The following CADPS2 variants were observed in gnomAD, a reference collection of about 807,000 sequenced individuals.
CADPS2 encodes calcium dependent secretion activator 2.
In CADPS2, 93 loss-of-function variants were observed where a neutral mutation model predicts 172.5. The ratio of observed to expected loss-of-function variants is 0.54; its 90% CI spans 0.46 to 0.64. The LOEUF (loss-of-function observed/expected upper bound fraction) is 0.64, where lower values mean the gene tolerates loss of function less well. CADPS2 is among the 30% of genes least tolerant of loss of function. The probability of loss-of-function intolerance (pLI) is 0.00; values close to 1 mark genes in which losing one functional copy is unlikely to be tolerated. For missense variants in CADPS2, 1,420 were observed against 1,565.9 expected, an observed-to-expected ratio of 0.91 and a Z score of 1.57; for synonymous variants, 546 against 555.2, an observed-to-expected ratio of 0.98 and a Z score of 0.23.
At chr7:122,814,268 T>C (rs1220124549) in intron 1 of CADPS2, among the ~76,000 whole-genome samples, 1 of 151,740 alleles carries the variant, frequency 6.6e-6, no homozygotes, top group Non-Finnish European at 1.5e-5. Context: ...TAAGGAGACT[T>C]ATACTAAGCA....
chr7:122,578,081 TATATATATACAC>T (rs1310896753), intron 7 of CADPS2, among the ~76,000 whole-genome samples: 6 of 150,962 alleles, frequency 4.0e-5, no homozygotes, highest in Non-Finnish European at 8.9e-5. Flanking sequence ...TATATATGTG[TATATATATACAC>T]ATATATATAC....
At chr7:122,620,843 A>G (rs775474604) in intron 5 of CADPS2, among the ~76,000 whole-genome samples, 6 of 152,184 alleles carry the variant, frequency 3.9e-5, no homozygotes, top group Non-Finnish European at 5.9e-5. Context: ...AAAGAATTCA[A>G]TTATATGTTG....
intron 7 of CADPS2, among the ~76,000 whole-genome samples, chr7:122,556,966 G>C (rs2065107379): frequency 6.6e-6 from 1 of 151,886 alleles, no homozygotes; most frequent in Non-Finnish European, 1.5e-5. Context: ...TCATCTGCTT[G>C]GCTTCTCCCT....
At chr7:122,663,653 G>T in intron 2 of CADPS2, 84 bp from the exon 3 acceptor site, 1 of 983,296 alleles carries the variant, frequency 1.0e-6, no homozygotes, top group Non-Finnish European at 1.5e-6. Context: ...CAGCAATCCA[G>T]CCAGAGTTTC....
chr7:122,452,920 G>C (rs527771000), intron 14 of CADPS2, among the ~76,000 whole-genome samples: 4 of 152,190 alleles, frequency 2.6e-5, no homozygotes, highest in East Asian at 3.9e-4. Context: ...TTTGATGCTT[G>C]TTAACTAGTC....
At chr7:122,526,421 C>T (rs1356302227) in intron 8 of CADPS2, among the ~76,000 whole-genome samples, 4 of 151,882 alleles carry the variant, frequency 2.6e-5, no homozygotes, top group African/African-American at 7.3e-5. Flanking sequence ...TCCAACTCCT[C>T]GCCTCAGGTG....
intron 1 of CADPS2, among the ~76,000 whole-genome samples, chr7:122,814,303 T>A (rs1800776866): frequency 6.6e-6 from 1 of 151,956 alleles, no homozygotes; most frequent in African/African-American, 2.4e-5. Context: ...AATGATGACA[T>A]GATATCTTCT....
intron 6 of CADPS2, among the ~76,000 whole-genome samples, chr7:122,589,311 C>T (rs1017455448): frequency 1.3e-5 from 2 of 151,750 alleles, no homozygotes; most frequent in African/African-American, 2.4e-5. Flanking sequence ...GAGAGAAATA[C>T]AAAAAGCCTG....
chr7:122,584,613 T>C (rs562931792), intron 6 of CADPS2, among the ~76,000 whole-genome samples: 16 of 152,116 alleles, frequency 1.1e-4, no homozygotes, highest in Admixed American at 3.3e-4. Context: ...ATTTTAACCC[T>C]GCTGTTTAAA....
intron 20 of CADPS2, among the ~76,000 whole-genome samples, chr7:122,394,561 A>T (rs2044804597): frequency 6.6e-6 from 1 of 152,134 alleles, no homozygotes; most frequent in Non-Finnish European, 1.5e-5. Flanking sequence ...TCCTGAAGAG[A>T]CAGAAGAACC....
chr7:122,558,829 T>C (rs1587277583), intron 7 of CADPS2, among the ~76,000 whole-genome samples: 1 of 151,840 alleles, frequency 6.6e-6, no homozygotes, highest in Non-Finnish European at 1.5e-5. Context: ...CATTTGTGCA[T>C]AAACTCTGTG....
At chr7:122,364,027 G>A (rs1214982173) in intron 25 of CADPS2, among the ~76,000 whole-genome samples, 1 of 152,100 alleles carries the variant, frequency 6.6e-6, no homozygotes, top group African/African-American at 2.4e-5. Context: ...AAACACAGGT[G>A]GTCTTGATCC....
intron 2 of CADPS2, chr7:122,703,024 A>T (rs1564112009): frequency 2.7e-6 from 1 of 375,434 alleles, no homozygotes; most frequent in Non-Finnish European, 4.8e-6. Flanking sequence ...CATCAGAGGT[A>T]GTTAAACCAA....
chr7:122,454,431 C>T (rs2053509756), intron 14 of CADPS2, among the ~76,000 whole-genome samples: 1 of 151,834 alleles, frequency 6.6e-6, no homozygotes, highest in Admixed American at 6.6e-5. Flanking sequence ...TCTCTTCCTG[C>T]TATATTTTGA....
intron 25 of CADPS2, among the ~76,000 whole-genome samples, chr7:122,364,444 TG>T (rs1311429359): frequency 2.1e-5 from 3 of 139,804 alleles, no homozygotes; most frequent in Non-Finnish European, 3.1e-5. Flanking sequence ...AAAAAGAACT[TG>T]GCCAGGTGCC....
intron 14 of CADPS2, among the ~76,000 whole-genome samples, chr7:122,460,643 A>G (rs1414181615): frequency 6.6e-6 from 1 of 152,208 alleles, no homozygotes; most frequent in Non-Finnish European, 1.5e-5. Context: ...ACAAGTGACC[A>G]TGGCAAAAAT....
At chr7:122,477,052 A>AAGAGAG (rs541881529) in intron 12 of CADPS2, among the ~76,000 whole-genome samples, 14 of 26,004 alleles carry the variant, frequency 5.4e-4, no homozygotes, top group Admixed American at 1.0e-3. Flanking sequence ...GGAGAGAGAG[A>AAGAGAG]AGAGAGAGAG....
At chr7:122,521,982 T>C (rs1169884579) in intron 8 of CADPS2, among the ~76,000 whole-genome samples, 1 of 152,162 alleles carries the variant, frequency 6.6e-6, no homozygotes, top group Non-Finnish European at 1.5e-5. Context: ...TAGCAAAATC[T>C]AGAAAATGAA....
chr7:122,846,990 A>T (rs1355342547), intron 1 of CADPS2, among the ~76,000 whole-genome samples: 1 of 152,234 alleles, frequency 6.6e-6, no homozygotes. Context: ...ATGCATTTTA[A>T]AGGACTCCAC....
Sources: allele counts gnomAD v4.1 joint callset (sites outside exome capture counted in the v4.1 genomes callset), GRCh38; gene constraint gnomAD v4.1.1; transcripts MANE v1.5; gene names NCBI Gene and HGNC (gene_info 2026-07-23, HGNC 2026-07-21).